The following PTTG1IP2 variants were observed in gnomAD, a reference collection of about 807,000 sequenced individuals.
The protein encoded by PTTG1IP2 is PTTG1IP family member 2.
intron 2 of PTTG1IP2, among the ~76,000 whole-genome samples, chr7:90,480,810 T>G (rs929582207): frequency 6.6e-6 from 1 of 152,172 alleles, no homozygotes; most frequent in Non-Finnish European, 1.5e-5. Context: ...TTTATTTTGT[T>G]TTTTGCAACT....
At chr7:90,494,926 C>T (rs930912295) in intron 6 of PTTG1IP2, among the ~76,000 whole-genome samples, 6 of 152,230 alleles carry the variant, frequency 3.9e-5, no homozygotes, top group Admixed American at 3.9e-4. Flanking sequence ...GGGAGGATTG[C>T]TTGAGCTCAA....
chr7:90,482,517 C>T (rs1330682437), intron 2 of PTTG1IP2, among the ~76,000 whole-genome samples: 1 of 147,362 alleles, frequency 6.8e-6, no homozygotes, highest in Non-Finnish European at 1.5e-5. Flanking sequence ...CCCCCCCCCA[C>T]ACAACTCATA....
intron 1 of PTTG1IP2, among the ~76,000 whole-genome samples, chr7:90,476,943 G>T (rs1584691167): frequency 1.3e-5 from 2 of 151,726 alleles, no homozygotes. Flanking sequence ...AAAAAATTTT[G>T]TTTTGATATT....
At chr7:90,490,787 T>C (rs1419999127) in intron 4 of PTTG1IP2, among the ~76,000 whole-genome samples, 1 of 152,186 alleles carries the variant, frequency 6.6e-6, no homozygotes, top group Non-Finnish European at 1.5e-5. Flanking sequence ...ATTCTGCCCA[T>C]AAGAGTAGGG....
intron 1 of PTTG1IP2, among the ~76,000 whole-genome samples, chr7:90,473,674 T>C (rs1584690128): frequency 1.3e-5 from 2 of 152,206 alleles, no homozygotes; most frequent in East Asian, 3.8e-4. Context: ...ACCTCTTCTA[T>C]GATGCCTTCC....
At chr7:90,471,266 C>T (rs527498652) in intron 1 of PTTG1IP2, among the ~76,000 whole-genome samples, 1 of 152,278 alleles carries the variant, frequency 6.6e-6, no homozygotes, top group South Asian at 2.1e-4. Context: ...GCTTCTAAGC[C>T]TTCACGAGAT....
intron 2 of PTTG1IP2, among the ~76,000 whole-genome samples, chr7:90,486,745 C>T (rs1278331849): frequency 6.6e-6 from 1 of 152,074 alleles, no homozygotes; most frequent in Non-Finnish European, 1.5e-5. Context: ...AAACCATTTA[C>T]CTCAGTTCTT....
intron 6 of PTTG1IP2, among the ~76,000 whole-genome samples, chr7:90,512,543 G>A (rs546914132): frequency 6.6e-6 from 1 of 152,130 alleles, no homozygotes; most frequent in Admixed American, 6.6e-5. Flanking sequence ...AGAAATATTC[G>A]GGGATAAGAT....
chr7:90,470,536 T>C (rs1212241009), intron 1 of PTTG1IP2, among the ~76,000 whole-genome samples: 1 of 152,208 alleles, frequency 6.6e-6, no homozygotes, highest in African/African-American at 2.4e-5. Context: ...AAGATTGCCA[T>C]TTTTACAAAG....
intron 1 of PTTG1IP2, among the ~76,000 whole-genome samples, chr7:90,473,800 C>T (rs1797716628): frequency 6.6e-6 from 1 of 152,214 alleles, no homozygotes. Context: ...GCAGCTCACA[C>T]TGCCTGGACT....
intron 2 of PTTG1IP2, among the ~76,000 whole-genome samples, chr7:90,482,722 A>G (rs953265678): frequency 1.3e-5 from 2 of 152,040 alleles, no homozygotes; most frequent in East Asian, 3.9e-4. Flanking sequence ...AAGACTTGTC[A>G]TAAGTACATT....
chr7:90,476,956 G>A (rs1444919844), intron 1 of PTTG1IP2, among the ~76,000 whole-genome samples: 1 of 151,464 alleles, frequency 6.6e-6, no homozygotes, highest in Non-Finnish European at 1.5e-5. Flanking sequence ...TTGATATTTT[G>A]CATAATATAT....
intron 5 of PTTG1IP2, among the ~76,000 whole-genome samples, chr7:90,493,680 G>A (rs560317892): frequency 7.3e-4 from 111 of 152,282 alleles, no homozygotes; most frequent in Non-Finnish European, 1.3e-3. Context: ...AGCCCAATGG[G>A]AATGCCTACA....
intron 4 of PTTG1IP2, among the ~76,000 whole-genome samples, chr7:90,491,223 C>A (rs879383959): frequency 2.6e-5 from 4 of 152,168 alleles, no homozygotes; most frequent in Non-Finnish European, 5.9e-5. Flanking sequence ...TTTCATTGTC[C>A]ATGTACTCAA....
At chr7:90,491,743 A>C (rs193137897) in intron 4 of PTTG1IP2, among the ~76,000 whole-genome samples, 1 of 152,330 alleles carries the variant, frequency 6.6e-6, no homozygotes, top group African/African-American at 2.4e-5. Flanking sequence ...GATATTTTAA[A>C]TTATATTCCA....
At chr7:90,485,165 A>G (rs1797855136) in intron 2 of PTTG1IP2, among the ~76,000 whole-genome samples, 2 of 152,164 alleles carry the variant, frequency 1.3e-5, no homozygotes, top group Admixed American at 6.6e-5. Context: ...AAAAAGAAGA[A>G]TGGGGACACA....
intron 1 of PTTG1IP2, among the ~76,000 whole-genome samples, chr7:90,477,641 G>A (rs1286539472): frequency 2.6e-5 from 4 of 152,164 alleles, no homozygotes; most frequent in African/African-American, 9.7e-5. Flanking sequence ...GACCAGAGGA[G>A]ACATGATGAC....
rs1797907111 is a variant in PTTG1IP2 at position 90,488,878 on chromosome 7, G to C, written c.294G>C (p.Met98Ile). The change falls in exon 4 of 7, where the codon ATG becomes ATC. Residue 98 changes from methionine to isoleucine, a missense_variant. Met to Ile is a conservative substitution (Grantham distance 10). Transcript: ENST00000509356. ...TCTTTTTATACATTTCAGTTGACAT[G>C]TTTGGAATCATGATGCTTCTACTCA... Reference protein sequence around the residue: ...SIYWLNCKVDMFGIMMLLLIA... With the variant: ...SIYWLNCKVDIFGIMMLLLIA... 2 of 151,908 alleles carry C rather than the reference G, an allele frequency of 1.3e-5. No individual in the cohort carries two copies. Among genetic ancestry groups the C allele is most frequent in the African/African-American group, 4.8e-5 (2 of 41,422 alleles). 9.4% of individuals were successfully genotyped at this position (151,908 alleles called of 1,614,324 possible).
At chr7:90,511,842 T>A (rs976272734) in intron 6 of PTTG1IP2, among the ~76,000 whole-genome samples, 1 of 152,210 alleles carries the variant, frequency 6.6e-6, no homozygotes, top group Non-Finnish European at 1.5e-5. Flanking sequence ...AAATAGGGAT[T>A]AAAAATAATT....
Sources: gnomAD v4.1 joint callset for allele counts (sites outside exome capture counted in the v4.1 genomes callset) on GRCh38, gnomAD v4.1.1 for gene constraint, MANE v1.5 for transcripts, NCBI Gene and HGNC (gene_info 2026-07-23, HGNC 2026-07-21) for gene names.